PLA2G6: variants seen among roughly 807,000 people sequenced by gnomAD.
PLA2G6 encodes phospholipase A2 group VI.
A neutral mutation model predicts 83.8 loss-of-function variants in PLA2G6; 62 were observed. That is an observed-to-expected ratio of 0.74 (90% CI 0.60 to 0.91). The LOEUF is 0.91. Ranked by LOEUF, PLA2G6 falls within the 40% of genes least tolerant of loss-of-function variation. PLA2G6 has a pLI of 0.00. For missense variants in PLA2G6, 944 were observed against 1,102.0 expected, an observed-to-expected ratio of 0.86 and a Z score of 2.03; for synonymous variants, 417 against 449.8, an observed-to-expected ratio of 0.93 and a Z score of 0.92.
intron 2 of PLA2G6, among the ~76,000 whole-genome samples, chr22:38,167,344 G>A (rs2090260449): frequency 6.6e-6 from 1 of 152,148 alleles, no homozygotes; most frequent in Non-Finnish European, 1.5e-5. Context: ...ATGGAGGTCT[G>A]CCCACACTGG....
chr22:38,159,725 A>AAAGG (rs56181861), intron 2 of PLA2G6, among the ~76,000 whole-genome samples: 48,187 of 143,020 alleles, frequency 0.34, 9,008 homozygotes, highest in Non-Finnish European at 0.41. Context: ...GAGATAGATG[A>AAAGG]AAGGAAGGAA....
chr22:38,120,601 C>G (rs1253104488), intron 12 of PLA2G6, among the ~76,000 whole-genome samples, 158 bp downstream of exon 12: 1 of 152,058 alleles, frequency 6.6e-6, no homozygotes, highest in Non-Finnish European at 1.5e-5. Context: ...GAGAGCCACA[C>G]CCCAGCCCTC....
rs1217488980 is a variant in PLA2G6 at position 38,140,147 on chromosome 22, GC to G, written c.631del (p.Ala211LeufsTer3). On this transcript the variant is annotated frameshift_variant, in exon 5 of 17. Transcript: ENST00000332509. LOFTEE classifies it high-confidence loss of function. ...TTGGTTATTCACCTGGTTCAGGCCA[GC>G]CACTGCGTTCCTTCCAAGGAGCTGA... ...VLQLLGRNAV[A>X]GLNQVNNQGL... is the part of the protein sequence containing the mutation. 1 of 1,614,032 alleles carries G rather than the reference GC, an allele frequency of 6.2e-7. No homozygotes were observed. Among genetic ancestry groups the G allele is most frequent in the Non-Finnish European group, 8.5e-7 (1 of 1,180,024 alleles).
chr22:38,165,690 T>G (rs533977954), intron 2 of PLA2G6, among the ~76,000 whole-genome samples: 1 of 151,048 alleles, frequency 6.6e-6, no homozygotes, highest in Non-Finnish European at 1.5e-5. Context: ...TGGCTAAGAG[T>G]AGATGGTGAA....
chr22:38,170,379 G>A (rs909534816), intron 1 of PLA2G6, among the ~76,000 whole-genome samples: 2 of 151,928 alleles, frequency 1.3e-5, no homozygotes, highest in African/African-American at 4.8e-5. Flanking sequence ...AAAGAGCTCC[G>A]AGAGACAGCA....
intron 2 of PLA2G6, chr22:38,147,851 C>G (rs992235679): frequency 6.5e-6 from 1 of 152,868 alleles, no homozygotes; most frequent in African/African-American, 2.4e-5. Flanking sequence ...TGTGCTTGGC[C>G]CGAGCCTATG....
At chr22:38,156,800 CA>C (rs1200587013) in intron 2 of PLA2G6, among the ~76,000 whole-genome samples, 1 of 152,054 alleles carries the variant, frequency 6.6e-6, no homozygotes, top group Non-Finnish European at 1.5e-5. Context: ...TCTGTGATCA[CA>C]ATGAAATAAA....
chr22:38,118,794 C>G (rs940624135), intron 12 of PLA2G6, among the ~76,000 whole-genome samples: 93 of 150,752 alleles, frequency 6.2e-4, no homozygotes, highest in African/African-American at 2.2e-3. Flanking sequence ...CACTCTATTG[C>G]CCAGGCTGGA....
In PLA2G6 at chr22:38,132,749, G is replaced by T; in HGVS notation, c.1077+82C>A. 3.3e-6 allele frequency: 4 copies of T among 1,218,694 alleles called. No homozygotes were observed. The highest frequency in any genetic ancestry group is 4.6e-6 in the Non-Finnish European group (4 of 864,562). The allele number at this position is 1,218,694 out of a possible 1,614,324, so 75.5% of individuals were successfully genotyped here. ...CAGCTGACGATAGGAGGGAGACAGT[G>T]GGGAGGAGGGCTCCAGTCCGGACAG... On this transcript the variant is annotated intron_variant, in intron 7 of 16. Transcript: ENST00000332509. This position sits in a 1 kb window ranked among gnomAD's most constrained non-coding sequence, Gnocchi z 5.0.
intron 1 of PLA2G6, among the ~76,000 whole-genome samples, chr22:38,170,790 G>A (rs1569301669): frequency 6.6e-6 from 1 of 152,100 alleles, no homozygotes; most frequent in Non-Finnish European, 1.5e-5. Context: ...CCTATGTGCT[G>A]AGCACAGGAT....
chr22:38,169,503 GCA>G (rs1422085480), intron 1 of PLA2G6, 32 bp from the exon 2 acceptor site: 2 of 1,276,848 alleles, frequency 1.6e-6, no homozygotes, highest in East Asian at 4.9e-5. Context: ...GGTCAGCCAG[GCA>G]CAGTCTCCCA....
chr22:38,113,461 G>A (rs1016927498), intron 15 of PLA2G6, 26 bp downstream of exon 15: 2 of 1,611,932 alleles, frequency 1.2e-6, no homozygotes, highest in Middle Eastern at 1.7e-4. Context: ...TGAGGGAAGT[G>A]GCCTGGGGGA....
intron 11 of PLA2G6, among the ~76,000 whole-genome samples, chr22:38,122,763 T>C (rs938933934): frequency 6.6e-6 from 1 of 152,202 alleles, no homozygotes; most frequent in African/African-American, 2.4e-5. Context: ...TGCAGCAGGC[T>C]GTGTGGCCCC....
chr22:38,123,279 G>A lies in PLA2G6; in HGVS notation c.1428-21C>T. 1 of 1,554,482 alleles carries A rather than the reference G, an allele frequency of 6.4e-7. No homozygotes were observed. On this transcript the variant is annotated intron_variant, in intron 10 of 16. Transcript: ENST00000332509. This position sits in a 1 kb window ranked among gnomAD's most constrained non-coding sequence, Gnocchi z 4.1. ...CGTGGCTGCAGTGGGAACAGCAGTG[G>A]GAGAGAGGAGGGTCCTGCCACAGCC...
intron 2 of PLA2G6, among the ~76,000 whole-genome samples, chr22:38,156,884 G>C (rs1602227085): frequency 6.6e-6 from 1 of 152,250 alleles, no homozygotes; most frequent in African/African-American, 2.4e-5. Flanking sequence ...CTCTTGAATG[G>C]TCAATGAAGA....
intron 13 of PLA2G6, 109 bp downstream of exon 13, chr22:38,115,966 G>A (rs2087167561): frequency 5.4e-6 from 8 of 1,491,840 alleles, no homozygotes; most frequent in Middle Eastern, 2.4e-4. Flanking sequence ...CAGCGGGTGG[G>A]CTGGTGGCAC....
intron 1 of PLA2G6, among the ~76,000 whole-genome samples, chr22:38,174,754 G>A (rs546703124): frequency 4.6e-5 from 7 of 152,282 alleles, no homozygotes; most frequent in Middle Eastern, 3.4e-3. Context: ...CATTTTCACT[G>A]GGACTGGACG....
chr22:38,142,620 G>A (rs2088985084), intron 4 of PLA2G6: 3 of 215,166 alleles, frequency 1.4e-5, no homozygotes, highest in Non-Finnish European at 1.9e-5. Flanking sequence ...CTAAAAAAAA[G>A]GTCCATGCAT....
rs2090108210 is a variant in PLA2G6, at chr22:38,163,718, AG to A, written c.209+5499del. 10 of 169,152 alleles carry A rather than the reference AG, an allele frequency of 5.9e-5. No homozygotes were observed. In the South Asian group the frequency reaches 1.6e-3, roughly 27 times the overall value. 10.5% of individuals were successfully genotyped at this position (169,152 alleles called of 1,614,324 possible). ...GCCGTGTCGGGGACAAGGCCTGTGTAGGGAATACAAGGCCCCACTCTAAAGT... is the reference window on the plus strand; with the variant it reads ...GCCGTGTCGGGGACAAGGCCTGTGTAGGAATACAAGGCCCCACTCTAAAGT... On this transcript the variant is annotated intron_variant, in intron 2 of 16. Coordinates refer to ENST00000332509, the MANE Select transcript of PLA2G6 (RefSeq NM_003560.4).
Sources: gnomAD v4.1 joint callset for allele counts (sites outside exome capture counted in the v4.1 genomes callset) on GRCh38, gnomAD v4.1.1 for gene constraint, Gnocchi (gnomAD v3.1) non-coding constraint, MANE v1.5 for transcripts, NCBI Gene and HGNC (gene_info 2026-07-23, HGNC 2026-07-21) for gene names.